HHIP: variants seen among roughly 807,000 people sequenced by gnomAD.
HHIP encodes the protein hedgehog-interacting protein.
HHIP carries 12 observed loss-of-function variants against 74.0 expected under a neutral mutation model. The ratio of observed to expected loss-of-function variants is 0.16; its 90% CI spans 0.10 to 0.26. HHIP has a LOEUF of 0.26. Among genes scored for constraint, HHIP ranks in the 10% least tolerant of loss-of-function variants. The pLI is 1.00. For missense variants in HHIP, 788 were observed against 845.0 expected, an observed-to-expected ratio of 0.93 and a Z score of 0.84; for synonymous variants, 309 against 311.6, an observed-to-expected ratio of 0.99 and a Z score of 0.09.
At position 144,738,169 on chromosome 4, in the gene HHIP, CGTT is replaced by C. The variant is rs749832141; in HGVS notation, c.*217_*219del. On this transcript the variant is annotated 3_prime_UTR_variant, in exon 13 of 13. Coordinates refer to ENST00000296575, the MANE Select transcript of HHIP (RefSeq NM_022475.3). ...TACACATACTCATAACCCCTATATG[CGTT>C]GTTGCATAACAGATGATTTTTTAAA... 1 of 1,167,320 alleles carries C rather than the reference CGTT, an allele frequency of 8.6e-7. No homozygotes were observed. Among genetic ancestry groups the C allele is most frequent in the Non-Finnish European group, 1.1e-6 (1 of 946,454 alleles). The allele number at this position is 1,167,320 out of a possible 1,614,324, so 72.3% of individuals were successfully genotyped here.
intron 4 of HHIP, among the ~76,000 whole-genome samples, chr4:144,678,386 T>C (rs1484800971): frequency 6.6e-6 from 1 of 152,100 alleles, no homozygotes; most frequent in African/African-American, 2.4e-5. Context: ...GGTAAAGAAG[T>C]ATGACTTTTT....
At chr4:144,706,388 G>A in intron 4 of HHIP, 143 bp from the exon 5 acceptor site, 1 of 619,116 alleles carries the variant, frequency 1.6e-6, no homozygotes, top group South Asian at 2.6e-5. Context: ...ATCCTTTTTT[G>A]TGCAGTAGGC....
intron 2 of HHIP, among the ~76,000 whole-genome samples, chr4:144,656,334 T>G (rs927066897): frequency 6.6e-6 from 1 of 152,200 alleles, no homozygotes; most frequent in Non-Finnish European, 1.5e-5. Context: ...TAACATTCTG[T>G]ATTTTTTCTT....
chr4:144,660,012 A>C, intron 4 of HHIP, 174 bp downstream of exon 4: 1 of 591,530 alleles, frequency 1.7e-6, no homozygotes. Context: ...AGTGACATTA[A>C]ATTTCTGTTA....
At chr4:144,681,407 CG>C (rs2126621506) in intron 4 of HHIP, among the ~76,000 whole-genome samples, 1 of 146,812 alleles carries the variant, frequency 6.8e-6, no homozygotes, top group African/African-American at 2.5e-5. Flanking sequence ...AAAAGTCTAT[CG>C]GATTGCAGAG....
At chr4:144,655,393 T>C (rs143107018) in intron 2 of HHIP, among the ~76,000 whole-genome samples, 2 of 152,276 alleles carry the variant, frequency 1.3e-5, no homozygotes, top group African/African-American at 4.8e-5. Flanking sequence ...ACACACTCTA[T>C]GGGAAGCATA....
chr4:144,721,465 A>G (rs1730632112), intron 11 of HHIP, among the ~76,000 whole-genome samples: 1 of 152,138 alleles, frequency 6.6e-6, no homozygotes, highest in African/African-American at 2.4e-5. Context: ...TCATTTACAT[A>G]AGTTCAAATC....
chr4:144,654,635 A>G (rs1490380790), intron 2 of HHIP, among the ~76,000 whole-genome samples: 1 of 152,170 alleles, frequency 6.6e-6, no homozygotes. Flanking sequence ...ACCATTTCCT[A>G]AAGTACAATA....
chr4:144,734,770 C>A lies in HHIP; in HGVS notation c.1790C>A (p.Thr597Lys), dbSNP rs200321873. Residue 597 changes from threonine (T) to lysine (K), a missense_variant, in exon 12 of 13, where the codon ACG becomes AAG. By Grantham distance (78) the Thr-to-Lys change is moderately conservative (BLOSUM62 -1). Around this residue, in one of 3 missense-constraint regions of HHIP, gnomAD observed 343 missense variants for 347.9 expected, o/e 0.99. Transcript: ENST00000296575. The part of the protein sequence containing the change: ...RPLMPEECRA[T>K]VQPAQTLTSE... ...TTAATGCCTGAGGAATGCAGAGCCA[C>A]GGTACAACCTGCACAGACACTGACT... 3 of 1,601,900 alleles carry A rather than the reference C, an allele frequency of 1.9e-6. No individual in the cohort carries two copies. The highest frequency in any genetic ancestry group is 2.2e-5 in the South Asian group (2 of 89,920).
At position 144,659,743 on chromosome 4, in the gene HHIP, G is replaced by C; in HGVS notation, c.736G>C (p.Glu246Gln). ...TGGCTCGCAACGTCTCTTCATTCTG[G>C]AAAAAGAAGGTTATGTGAAGATACT... ...GDGSQRLFILEKEGYVKILTP... is the reference protein window; with the variant it reads ...GDGSQRLFILQKEGYVKILTP... The change falls in exon 4 of 13, where the codon GAA (glutamate) becomes CAA (glutamine). Residue 246 changes from glutamate (E) to glutamine (Q), a missense_variant. By Grantham distance (29) the Glu-to-Gln change is conservative. Around this residue, in one of 3 missense-constraint regions of HHIP, gnomAD observed 373 missense variants for 366.4 expected, o/e 1.02. Transcript: ENST00000296575. 1.2e-6 allele frequency: 2 copies of C among 1,611,618 alleles called. No homozygotes were observed. Among genetic ancestry groups the C allele is most frequent in the Non-Finnish European group, 1.7e-6 (2 of 1,179,218 alleles).
intron 1 of HHIP, 188 bp downstream of exon 1, chr4:144,647,142 TC>T: frequency 1.9e-6 from 1 of 529,706 alleles, no homozygotes; most frequent in Non-Finnish European, 3.3e-6. Context: ...TAGCATTTCC[TC>T]CCCCAGAGTC....
At position 144,742,988 on chromosome 4, in the gene HHIP, ATATATATATAATATATATATAT is replaced by A. The variant is rs1731303280; in HGVS notation, c.*5042_*5063del. On this transcript the variant is annotated 3_prime_UTR_variant, in exon 13 of 13. Transcript: ENST00000296575. ...AGATATATGTATATATATATACATT[ATATATATATAATATATATATAT>A]TATATATATATAATATATATCTTAT... is the stretch of plus-strand genomic sequence containing the variant. 1.2e-3 allele frequency: 1 copy of A among 860 alleles called. No individual in the cohort carries two copies. Among genetic ancestry groups the A allele is most frequent in the African/African-American group, 1.3e-3 (1 of 748 alleles). The allele number at this position is 860 out of a possible 1,614,324, so 0.1% of individuals were successfully genotyped here. A position where few individuals can be genotyped will look rare whatever the true frequency, so the allele number is the denominator to read the frequency against.
At position 144,658,808 on chromosome 4, in the gene HHIP, C is replaced by A; in HGVS notation, c.491C>A (p.Ala164Glu). 1.2e-6 allele frequency: 2 copies of A among 1,611,958 alleles called. No homozygotes were observed. Among genetic ancestry groups the A allele is most frequent in the African/African-American group, 1.3e-5 (1 of 74,924 alleles). ...TTTAAAGGTTTCCTTCAAACAACTG[C>A]GGATGAGTTTTGCTTTTACTATGCA... ...GHIPGFLQTT[A>E]DEFCFYYARK... Residue 164 changes from alanine (A) to glutamate (E), a missense_variant, in exon 3 of 13, where the codon GCG becomes GAG. This residue lies in a region of HHIP where 373 missense variants were observed against 366.4 expected (regional missense o/e 1.02). Coordinates refer to ENST00000296575, the MANE Select transcript of HHIP (RefSeq NM_022475.3).
At chr4:144,692,877 T>C (rs1474657174) in intron 4 of HHIP, among the ~76,000 whole-genome samples, 2 of 111,224 alleles carry the variant, frequency 1.8e-5, no homozygotes, top group African/African-American at 3.6e-5. Flanking sequence ...TCTCCCAAAG[T>C]TAGAAAGCCA....
Position 144,740,096 on chromosome 4 carries a change from G to A in HHIP, c.*2139G>A, listed in dbSNP as rs1731226356. 6.6e-6 allele frequency: 1 copy of A among 152,158 alleles called. No homozygotes were observed. Among genetic ancestry groups the A allele is most frequent in the Non-Finnish European group, 1.5e-5 (1 of 68,026 alleles). The allele number at this position is 152,158 out of a possible 1,614,324, so 9.4% of individuals were successfully genotyped here. Reference sequence around the variant, plus strand: ...ATGTGAACTTCTTGTGAGGGAGCCAGCTGTCTAAATCTGTCAAATCGTGCA... The same window carrying A: ...ATGTGAACTTCTTGTGAGGGAGCCAACTGTCTAAATCTGTCAAATCGTGCA... On this transcript the variant is annotated 3_prime_UTR_variant, in exon 13 of 13. Coordinates refer to ENST00000296575, the MANE Select transcript of HHIP (RefSeq NM_022475.3).
intron 4 of HHIP, among the ~76,000 whole-genome samples, chr4:144,689,880 C>T (rs1046559615): frequency 6.6e-6 from 1 of 152,132 alleles, no homozygotes; most frequent in Admixed American, 6.5e-5. Flanking sequence ...GTGATCTCAG[C>T]TCACTGCAAC....
intron 3 of HHIP, 47 bp from the exon 4 acceptor site, chr4:144,659,589 TC>T (rs746214507): frequency 7.9e-7 from 1 of 1,269,786 alleles, no homozygotes; most frequent in Non-Finnish European, 1.1e-6. Context: ...GCATCCCTTA[TC>T]TCCTTCATCT....
intron 4 of HHIP, among the ~76,000 whole-genome samples, chr4:144,662,541 A>G (rs887437186): frequency 4.6e-5 from 7 of 152,218 alleles, no homozygotes; most frequent in African/African-American, 1.4e-4. Flanking sequence ...CATTGAGATT[A>G]AAGAGTAAGT....
chr4:144,687,762 T>C (rs1234680282), intron 4 of HHIP, among the ~76,000 whole-genome samples: 3 of 146,352 alleles, frequency 2.0e-5, no homozygotes, highest in African/African-American at 7.6e-5. Flanking sequence ...TTTTTTTTTT[T>C]TTTTTTTTTT....
Sources: gnomAD v4.1 joint callset for allele counts (sites outside exome capture counted in the v4.1 genomes callset) on GRCh38, gnomAD v4.1.1 for gene constraint, gnomAD v4.1.1 regional missense constraint, MANE v1.5 for transcripts, NCBI Gene and HGNC (gene_info 2026-07-23, HGNC 2026-07-21) for gene names.